The following GORASP2 variants were observed in gnomAD, a reference collection of about 807,000 sequenced individuals.
GORASP2 encodes the protein Golgi reassembly-stacking protein 2.
GORASP2 carries 22 observed loss-of-function variants against 45.7 expected under a neutral mutation model. That is an observed-to-expected ratio of 0.48 (90% confidence interval 0.34 to 0.69). The LOEUF (loss-of-function observed/expected upper bound fraction) is 0.69. Ranked by LOEUF, GORASP2 falls within the 30% of genes least tolerant of loss-of-function variation. The pLI, the probability that GORASP2 is intolerant of heterozygous loss-of-function variation, is 0.01. For missense variants in GORASP2, 491 were observed against 562.7 expected (o/e 0.87, Z 1.29); for synonymous variants, 221 against 215.6 (o/e 1.02, Z -0.22).
intron 9 of GORASP2, among the ~76,000 whole-genome samples, chr2:170,965,241 C>A (rs1704657720): frequency 6.6e-6 from 1 of 152,158 alleles, no homozygotes; most frequent in South Asian, 2.1e-4. Flanking sequence ...TCATCATGAG[C>A]CCACTGAGTG....
intron 1 of GORASP2, among the ~76,000 whole-genome samples, chr2:170,933,998 A>G (rs2105309762): frequency 6.6e-6 from 1 of 152,256 alleles, no homozygotes; most frequent in East Asian, 1.9e-4. Flanking sequence ...TAGAAAATGC[A>G]ATGCCTACAC....
rs1038385226 is a variant in GORASP2, at chr2:170,929,504, C to A, written c.63+101C>A. The A allele has an allele frequency of 2.1e-5, 21 of 990,760 alleles. No individual in the cohort carries two copies. In the African/African-American group the frequency reaches 3.5e-4, roughly 16 times the overall value. 61.4% of individuals were successfully genotyped at this position (990,760 alleles called of 1,614,324 possible). A position where few individuals can be genotyped will look rare whatever the true frequency, so the allele number is the denominator to read the frequency against. On this transcript the variant is annotated intron_variant, in intron 1 of 9. Coordinates refer to ENST00000234160, the MANE Select transcript of GORASP2 (RefSeq NM_015530.5). ...GGCTCCTTCACGGGGCAGCCAGGCC[C>A]GATCCCGCGAAGGAGCGGCGGTCGC...
upstream of GORASP2, chr2:170,928,883 G>A (rs1212343712): frequency 6.4e-6 from 1 of 155,044 alleles, no homozygotes; most frequent in East Asian, 1.9e-4. Context: ...GGTGTGTGTT[G>A]AGTTCGCTCC....
intron 1 of GORASP2, among the ~76,000 whole-genome samples, chr2:170,945,499 C>CT (rs1704162587): frequency 1.2e-5 from 1 of 85,718 alleles, no homozygotes; most frequent in South Asian, 7.6e-4. Flanking sequence ...GGGACCTTGT[C>CT]TCAAAAAAAA....
chr2:170,928,949 T>G, upstream of GORASP2: 1 of 175,478 alleles, frequency 5.7e-6, no homozygotes, highest in Non-Finnish European at 1.2e-5. Flanking sequence ...TGCAACCAAG[T>G]ATGTGTTCTT....
chr2:170,930,797 G>C (rs111927259), intron 1 of GORASP2, among the ~76,000 whole-genome samples: 1 of 152,072 alleles, frequency 6.6e-6, no homozygotes, highest in Non-Finnish European at 1.5e-5. Flanking sequence ...GGTGAAAGCT[G>C]TGCTTTTCTT....
At position 170,954,770 on chromosome 2, in the gene GORASP2, T is replaced by C. The variant is rs1318928988; in HGVS notation, c.687T>C (p.Asp229=). Residue 229 remains aspartate (D), a synonymous_variant, in exon 6 of 10, where the codon GAT becomes GAC. Transcript: ENST00000234160. ...MAGTPITPLK[D]GFTEVQLSSV... is the part of the protein sequence containing the mutation. ...GTACACCTATTACACCTCTTAAAGA[T>C]GGGTTTACAGAGGTAAGATCACGTT... 3.1e-6 allele frequency: 5 copies of C among 1,612,782 alleles called. No homozygotes were observed. Among genetic ancestry groups the C allele is most frequent in the Non-Finnish European group, 3.4e-6 (4 of 1,179,406 alleles).
At chr2:170,941,647 T>G (rs1402427801) in intron 1 of GORASP2, among the ~76,000 whole-genome samples, 1 of 152,214 alleles carries the variant, frequency 6.6e-6, no homozygotes, top group Non-Finnish European at 1.5e-5. Context: ...GTATCTGGCT[T>G]CTTTTGCTCG....
rs767973297 is a variant in GORASP2 at position 170,956,572 on chromosome 2, A to G, written c.823+13A>G. ...GTTCTCAGTACAGGTGTGCAGAAAA[A>G]TATATTCTGTTTTCAGTCTATTTTA... On this transcript the variant is annotated intron_variant, in intron 7 of 9. Coordinates refer to ENST00000234160, the MANE Select transcript of GORASP2 (RefSeq NM_015530.5). The G allele has an allele frequency of 3.1e-6, 5 of 1,589,408 alleles. No homozygotes were observed. The South Asian group carries it at 5.8e-5, about 18-fold the overall frequency.
At chr2:170,929,119 GCGC>G (rs1703748292), upstream of GORASP2, 1 of 393,822 alleles carries the variant, frequency 2.5e-6, no homozygotes, top group Non-Finnish European at 4.5e-6. Context: ...CGGCCCGCGA[GCGC>G]TCGGGCCCCT....
At chr2:170,945,864 A>T (rs1202552992) in intron 1 of GORASP2, among the ~76,000 whole-genome samples, 1 of 152,218 alleles carries the variant, frequency 6.6e-6, no homozygotes, top group Non-Finnish European at 1.5e-5. Context: ...TTACTGTATA[A>T]ATAGCTGTAG....
At chr2:170,930,165 C>T (rs942363562) in intron 1 of GORASP2, among the ~76,000 whole-genome samples, 1 of 152,106 alleles carries the variant, frequency 6.6e-6, no homozygotes, top group African/African-American at 2.4e-5. Flanking sequence ...GGAAAACAAC[C>T]CTAGCTTAAC....
chr2:170,938,432 C>G (rs1413868332), intron 1 of GORASP2, among the ~76,000 whole-genome samples: 1 of 152,214 alleles, frequency 6.6e-6, no homozygotes, highest in Admixed American at 6.5e-5. Flanking sequence ...TATAGGCACA[C>G]ACATAAATGG....
intron 1 of GORASP2, among the ~76,000 whole-genome samples, chr2:170,936,224 CTT>C (rs3079542): frequency 6.7e-5 from 8 of 119,026 alleles, no homozygotes; most frequent in Non-Finnish European, 9.9e-5. Context: ...TTGAAACTGA[CTT>C]TTTTTTTTTT....
chr2:170,963,990 G>A (rs763574128), intron 9 of GORASP2, among the ~76,000 whole-genome samples: 7 of 152,058 alleles, frequency 4.6e-5, no homozygotes, highest in Non-Finnish European at 8.8e-5. Context: ...AAAAACAAAC[G>A]TGAATATTCT....
intron 6 of GORASP2, 23 bp from the exon 7 acceptor site, chr2:170,956,413 G>GTT: frequency 1.3e-6 from 2 of 1,523,346 alleles, no homozygotes; most frequent in Non-Finnish European, 1.8e-6. Flanking sequence ...TAATCTTTGT[G>GTT]TTTTTTTTTC....
chr2:170,939,531 A>G (rs916803291), intron 1 of GORASP2, among the ~76,000 whole-genome samples: 4 of 152,228 alleles, frequency 2.6e-5, no homozygotes, highest in African/African-American at 9.6e-5. Context: ...ATCAGATGGA[A>G]AATTCCAGAA....
chr2:170,943,800 G>C (rs1470839479), intron 1 of GORASP2, among the ~76,000 whole-genome samples: 1 of 152,076 alleles, frequency 6.6e-6, no homozygotes, highest in Non-Finnish European at 1.5e-5. Context: ...AGCTTCCTGA[G>C]TTGCTGGGAC....
chr2:170,964,172 G>A (rs1303695866), intron 9 of GORASP2, among the ~76,000 whole-genome samples: 1 of 152,144 alleles, frequency 6.6e-6, no homozygotes, highest in African/African-American at 2.4e-5. Flanking sequence ...CTTTGGGAGG[G>A]CTGACTTTTA....
Sources: gnomAD v4.1 joint callset for allele counts (sites outside exome capture counted in the v4.1 genomes callset) on GRCh38, gnomAD v4.1.1 for gene constraint, MANE v1.5 for transcripts, NCBI Gene and HGNC (gene_info 2026-07-23, HGNC 2026-07-21) for gene names.